The following C1orf159 variants were observed in gnomAD, a reference collection of about 807,000 sequenced individuals.
C1orf159 encodes uncharacterized protein C1orf159.
A neutral mutation model predicts 25.6 loss-of-function variants in C1orf159; 19 were observed. The ratio of observed to expected loss-of-function variants is 0.74; its 90% CI spans 0.52 to 1.09. The LOEUF (loss-of-function observed/expected upper bound fraction) is 1.09. Among genes scored for constraint, C1orf159 ranks in the 50% least tolerant of loss-of-function variants. The probability of loss-of-function intolerance (pLI) is 0.00; values close to 1 mark genes in which losing one functional copy is unlikely to be tolerated. For synonymous variants in C1orf159, 139 were observed against 124.7 expected (o/e 1.12, Z -0.77); for missense variants, 274 against 290.6 (o/e 0.94, Z 0.42).
chr1:1,094,489 C>T lies in C1orf159; in HGVS notation c.-135-2386G>A, dbSNP rs148652943. The stretch of plus-strand genomic sequence containing the variant: ...GATCTCAGTTCACTGCAAGCCCCGC[C>T]TTCTGGGTTCACACCATTCTCCTGC... On this transcript the variant is annotated intron_variant, in intron 1 of 9. Transcript: ENST00000421241. 3.8e-3 allele frequency among the ~76,000 whole-genome samples: 577 copies of T among 152,250 alleles called. 3 individuals are homozygous for T. The highest frequency in any genetic ancestry group is 0.012 in the African/African-American group (505 of 41,530).
chr1:1,091,614 G>A (rs990603213), intron 2 of C1orf159, 49 bp from the exon 3 acceptor site: 2 of 1,371,496 alleles, frequency 1.5e-6, no homozygotes, highest in Admixed American at 2.0e-5. Context: ...GTGGGGCTGA[G>A]GCAGGGTGGG....
chr1:1,083,847 G>A (rs867054926), intron 9 of C1orf159: 2 of 1,402,282 alleles, frequency 1.4e-6, no homozygotes, highest in South Asian at 2.6e-5. Context: ...CATGGCCTTG[G>A]AGCTGTGTGG....
At chr1:1,099,815 C>G (rs113018180) in intron 1 of C1orf159, among the ~76,000 whole-genome samples, 4,322 of 84,594 alleles carry the variant, frequency 0.051, no homozygotes, top group African/African-American at 0.17. Flanking sequence ...TACTATGATT[C>G]TGGGTTGTCT....
At chr1:1,088,227 C>A (rs1330675431) in intron 4 of C1orf159, among the ~76,000 whole-genome samples, 1 of 92,848 alleles carries the variant, frequency 1.1e-5, no homozygotes, top group African/African-American at 4.4e-5. Flanking sequence ...TCCCACAGGA[C>A]CCCCGCATGC....
In C1orf159 at chr1:1,087,060, G is replaced by C. The variant is rs538265696; in HGVS notation, c.310+79C>G. 4 of 1,400,212 alleles carry C rather than the reference G, an allele frequency of 2.9e-6. No homozygotes were observed. The highest frequency in any genetic ancestry group is 2.0e-6 in the Non-Finnish European group (2 of 1,013,720). The allele number at this position is 1,400,212 out of a possible 1,614,324, so 86.7% of individuals were successfully genotyped here. A position where few individuals can be genotyped will look rare whatever the true frequency, so the allele number is the denominator to read the frequency against. ...CTGAGCCTGCTGTGGCTGCGTCAAGGGTGAGGGTCTGCACTGGCTCCGACG... is the reference window on the plus strand; with the variant it reads ...CTGAGCCTGCTGTGGCTGCGTCAAGCGTGAGGGTCTGCACTGGCTCCGACG... On this transcript the variant is annotated intron_variant, in intron 6 of 9. Transcript: ENST00000421241. The surrounding 1 kb of genome is among the most constrained non-coding windows in gnomAD (Gnocchi z 8.3).
rs751051055 is a variant in C1orf159, at chr1:1,087,180, G to A, written c.269C>T (p.Pro90Leu). The stretch of plus-strand genomic sequence containing the variant: ...GGGGGTCCCTGAGCTTCTGTTCATG[G>A]GGAATGGCGCACCCGGGCCAGCAAC... ...RSFAGPGAPF[P>L]MNRSSGTPGR... The change falls in exon 6 of 10, where the codon CCC (proline) becomes CTC (leucine). Residue 90 changes from proline to leucine, a missense_variant. Physicochemically the swap from Pro to Leu is moderately conservative, Grantham distance 98. Coordinates refer to ENST00000421241, the MANE Select transcript of C1orf159 (RefSeq NM_017891.5). This position sits in a 1 kb window ranked among gnomAD's most constrained non-coding sequence, Gnocchi z 8.3. 6.8e-6 allele frequency: 11 copies of A among 1,610,216 alleles called. No homozygotes were observed. Among genetic ancestry groups the A allele is most frequent in the Non-Finnish European group, 9.3e-6 (11 of 1,179,314 alleles).
At chr1:1,105,093 G>T (rs1042712897) in intron 1 of C1orf159, among the ~76,000 whole-genome samples, 1 of 152,248 alleles carries the variant, frequency 6.6e-6, no homozygotes, top group South Asian at 2.1e-4. Flanking sequence ...GTGAGTAGGC[G>T]GCAGGGTTAG....
At chr1:1,113,751 G>T (rs1646294390) in intron 1 of C1orf159, among the ~76,000 whole-genome samples, 1 of 152,206 alleles carries the variant, frequency 6.6e-6, no homozygotes, top group African/African-American at 2.4e-5. Flanking sequence ...CAAGTGCGCA[G>T]TTTGACCTTT....
intron 1 of C1orf159, among the ~76,000 whole-genome samples, chr1:1,107,450 C>T (rs958881994): frequency 3.3e-5 from 5 of 152,198 alleles, no homozygotes; most frequent in Non-Finnish European, 7.3e-5. Flanking sequence ...CACCAATCAG[C>T]ACCTTGTGTC....
At chr1:1,083,829 G>A in intron 9 of C1orf159, 1 of 1,274,504 alleles carries the variant, frequency 7.8e-7, no homozygotes, top group South Asian at 1.4e-5. Context: ...GGCCGGGTGA[G>A]CCCTGCTCAT....
chr1:1,084,949 TGG>T (rs1009793845), intron 7 of C1orf159, among the ~76,000 whole-genome samples: 3 of 151,984 alleles, frequency 2.0e-5, no homozygotes, highest in Non-Finnish European at 4.4e-5. Flanking sequence ...GCCCCCGCGA[TGG>T]GGGTGCCGTG....
In C1orf159 at chr1:1,084,439, C is replaced by A. The variant is rs760395326; in HGVS notation, c.471+42G>T. ...CTCGGGATGGCCTGGCACAGGCACACGCGGCCAGGGACGCTCAGCCCGGAT... is the reference window on the plus strand; with the variant it reads ...CTCGGGATGGCCTGGCACAGGCACAAGCGGCCAGGGACGCTCAGCCCGGAT... On this transcript the variant is annotated intron_variant, in intron 8 of 9. Coordinates refer to ENST00000421241, the MANE Select transcript of C1orf159 (RefSeq NM_017891.5). 4 of 1,578,076 alleles carry A rather than the reference C, an allele frequency of 2.5e-6. No homozygotes were observed. The African/African-American group carries it at 5.4e-5, about 21-fold the overall frequency.
Position 1,110,727 on chromosome 1 carries a change from C to A in C1orf159, c.-136+5333G>T, listed in dbSNP as rs1646245873. Among the ~76,000 whole-genome samples, 1 of 152,240 alleles carries A rather than the reference C, an allele frequency of 6.6e-6. No homozygotes were observed. Among genetic ancestry groups the A allele is most frequent in the South Asian group, 2.1e-4 (1 of 4,836 alleles). ...AACACGTGCACAAAAATAGGCCCAA[C>A]TCTTCAGACAGCGGAAACCCACCCG... On this transcript the variant is annotated intron_variant, in intron 1 of 9. Transcript: ENST00000421241. The surrounding 1 kb of genome is among the most constrained non-coding windows in gnomAD (Gnocchi z 4.8).
chr1:1,085,299 C>T (rs563406402), intron 7 of C1orf159: 12 of 428,834 alleles, frequency 2.8e-5, no homozygotes, highest in South Asian at 1.6e-4. Context: ...AGGGACCCTG[C>T]GGGGGCCGGC....
chr1:1,091,818 T>C (rs1172338087), intron 2 of C1orf159, 173 bp downstream of exon 2: 1 of 15,108 alleles, frequency 6.6e-5, no homozygotes, highest in African/African-American at 8.2e-4. Context: ...CAAATGGAGA[T>C]GGGGTGGGGC....
At chr1:1,091,159 CCGATAGCGATG>C (rs1323981076) in intron 3 of C1orf159, 1 of 623,690 alleles carries the variant, frequency 1.6e-6, no homozygotes, top group Non-Finnish European at 2.8e-6. Context: ...GCTACACTCC[CCGATAGCGATG>C]CGCGGCACGC....
chr1:1,099,755 C>A (rs112636218), intron 1 of C1orf159, among the ~76,000 whole-genome samples: 588 of 80,714 alleles, frequency 7.3e-3, no homozygotes, highest in African/African-American at 0.032. Context: ...TTGTCTATTG[C>A]TGTTTTTGGT....
intron 2 of C1orf159, 95 bp from the exon 3 acceptor site, chr1:1,091,660 G>C (rs1049757661): frequency 3.4e-6 from 3 of 880,272 alleles, no homozygotes; most frequent in East Asian, 2.7e-5. Context: ...GAGATGTTGG[G>C]GGGGTGCGGG....
chr1:1,099,663 G>A (rs1021739911), intron 1 of C1orf159, among the ~76,000 whole-genome samples: 6 of 129,812 alleles, frequency 4.6e-5, no homozygotes, highest in Admixed American at 2.2e-4. Context: ...CTATGATTGT[G>A]GATTGTCTGC....
Sources: allele counts gnomAD v4.1 joint callset (sites outside exome capture counted in the v4.1 genomes callset), GRCh38; gene constraint gnomAD v4.1.1; non-coding constraint Gnocchi (gnomAD v3.1); transcripts MANE v1.5; gene names NCBI Gene and HGNC (gene_info 2026-07-23, HGNC 2026-07-21).